Variants in TCF20 observed in about 807,000 individuals in gnomAD.
TCF20 encodes the protein transcription factor 20, also known as SPRE-binding protein.
Under a neutral mutation model 148.6 loss-of-function variants are expected in TCF20, and 3 were observed. That is an observed-to-expected ratio of 0.02 (90% CI 0.01 to 0.05). The LOEUF (loss-of-function observed/expected upper bound fraction) is 0.05, where lower values mean the gene tolerates loss of function less well. Ranked by LOEUF, TCF20 falls within the 10% of genes least tolerant of loss-of-function variation. TCF20 has a pLI of 1.00. For missense variants in TCF20, 2,350 were observed against 2,429.3 expected, an observed-to-expected ratio of 0.97 and a Z score of 0.69; for synonymous variants, 1,049 against 909.5, an observed-to-expected ratio of 1.15 and a Z score of -2.76.
chr22:42,250,883 G>A lies in TCF20; in HGVS notation c.-37+19456C>T, dbSNP rs1242757314. On this transcript the variant is annotated intron_variant, in intron 1 of 5. Transcript: ENST00000677622. ...CCAATCATGGCAGAAGGCAAAGGGG[G>A]AACAGGCACATCACATGATGAGGAC... Among the ~76,000 whole-genome samples, 3 of 152,202 alleles carry A rather than the reference G, an allele frequency of 2.0e-5. No individual in the cohort carries two copies. In the East Asian group the frequency reaches 5.8e-4, roughly 29 times the overall value.
At chr22:42,302,687 C>A (rs1927358946) in intron 1 of TCF20, among the ~76,000 whole-genome samples, 1 of 152,218 alleles carries the variant, frequency 6.6e-6, no homozygotes, top group African/African-American at 2.4e-5. Context: ...GAAACAGGCA[C>A]TGGCCATGAC....
intron 3 of TCF20, among the ~76,000 whole-genome samples, chr22:42,176,461 T>C (rs1324452482): frequency 6.6e-6 from 1 of 152,146 alleles, no homozygotes; most frequent in Non-Finnish European, 1.5e-5. Flanking sequence ...CCTGTTCCCA[T>C]CATGCAGTCA....
At chr22:42,322,393 G>A (rs1158882855) in intron 1 of TCF20, among the ~76,000 whole-genome samples, 2 of 151,854 alleles carry the variant, frequency 1.3e-5, no homozygotes, top group East Asian at 3.8e-4. Context: ...TCAGAGAGAG[G>A]AGAAGGGGGT....
upstream of TCF20, among the ~76,000 whole-genome samples, chr22:42,273,360 CAAAA>C (rs35166029): frequency 4.3e-3 from 264 of 61,252 alleles, 2 homozygotes; most frequent in African/African-American, 0.015. Flanking sequence ...AACTCCGTCT[CAAAA>C]AAAAAAAAAA....
intron 1 of TCF20, among the ~76,000 whole-genome samples, chr22:42,260,432 T>C (rs538217086): frequency 6.6e-6 from 1 of 152,122 alleles, no homozygotes; most frequent in Non-Finnish European, 1.5e-5. Flanking sequence ...AAAAAATGGT[T>C]TGGGAGGAAG....
upstream of TCF20, among the ~76,000 whole-genome samples, chr22:42,271,489 C>A (rs1926619909): frequency 6.6e-6 from 1 of 152,232 alleles, no homozygotes; most frequent in South Asian, 2.1e-4. Flanking sequence ...GGCTTGACTT[C>A]TTTATAAAGA....
intron 1 of TCF20, among the ~76,000 whole-genome samples, chr22:42,218,939 C>G (rs1304295481): frequency 6.6e-6 from 1 of 151,690 alleles, no homozygotes; most frequent in Non-Finnish European, 1.5e-5. Context: ...CTGCAGGGTT[C>G]CAGTCATGCT....
chr22:42,254,831 G>A (rs1925634008), intron 1 of TCF20, among the ~76,000 whole-genome samples: 1 of 151,918 alleles, frequency 6.6e-6, no homozygotes, highest in African/African-American at 2.4e-5. Context: ...CGCGGGTGGA[G>A]GCGGGCGCCT....
At chr22:42,193,210 T>C (rs1456046131) in intron 2 of TCF20, among the ~76,000 whole-genome samples, 1 of 150,114 alleles carries the variant, frequency 6.7e-6, no homozygotes, top group Non-Finnish European at 1.5e-5. Flanking sequence ...ATGAAGAAAA[T>C]AGAGATCTGG....
In TCF20 at chr22:42,341,083, G is replaced by A. The variant is rs1287938472; in HGVS notation, c.-37+2396C>T. Among the ~76,000 whole-genome samples the A allele has an allele frequency of 3.3e-5, 5 of 152,152 alleles. No homozygotes were observed. The South Asian group carries it at 8.3e-4, about 25-fold the overall frequency. ...GCGCCGGCTGCCAGGAGCAGAGGCCGGAGGGACGGCCCTGCTAGCAGCAGG... is the reference window on the plus strand; with the variant it reads ...GCGCCGGCTGCCAGGAGCAGAGGCCAGAGGGACGGCCCTGCTAGCAGCAGG... On this transcript the variant is annotated intron_variant, in intron 1 of 1. Transcript: ENST00000515426.
At chr22:42,324,682 C>T (rs940329605) in intron 1 of TCF20, among the ~76,000 whole-genome samples, 2 of 152,176 alleles carry the variant, frequency 1.3e-5, no homozygotes, top group Admixed American at 6.5e-5. Flanking sequence ...AAAATAATCT[C>T]CACCATTTGA....
At chr22:42,260,434 G>A (rs1925967081) in intron 1 of TCF20, among the ~76,000 whole-genome samples, 1 of 152,136 alleles carries the variant, frequency 6.6e-6, no homozygotes, top group African/African-American at 2.4e-5. Context: ...AAAATGGTTT[G>A]GGAGGAAGGC....
chr22:42,245,949 T>TA (rs1218883145), intron 1 of TCF20, among the ~76,000 whole-genome samples: 1 of 152,070 alleles, frequency 6.6e-6, no homozygotes, highest in East Asian at 1.9e-4. Context: ...ATCAATGATC[T>TA]AGTTGTCTGT....
chr22:42,266,092 A>T (rs957602129), intron 1 of TCF20, among the ~76,000 whole-genome samples: 39 of 152,170 alleles, frequency 2.6e-4, no homozygotes, highest in African/African-American at 8.9e-4. Context: ...TAAAAAAAAA[A>T]AAAAAGAGGG....
Position 42,210,606 on chromosome 22 carries a change from G to A in TCF20, c.4700C>T (p.Pro1567Leu). Residue 1567 changes from proline (P) to leucine (L), a missense_variant, in exon 2 of 6, where the codon CCA (proline) becomes CTA (leucine). This residue lies in a region of TCF20 where 374 missense variants were observed against 398.3 expected (regional missense o/e 0.94). Coordinates refer to ENST00000677622, the MANE Select transcript of TCF20 (RefSeq NM_001378418.1). The surrounding 1 kb of genome is among the most constrained non-coding windows in gnomAD (Gnocchi z 4.7). ...PPPPPQPPQI[P>L]EGSADGEPKP... is the part of the protein sequence containing the mutation. ...TGGCTCTCCATCTGCAGAACCTTCT[G>A]GTATCTGTGGGGGCTGAGGGGGTGG... 6.2e-7 allele frequency: 1 copy of A among 1,614,092 alleles called. No homozygotes were observed. The highest frequency in any genetic ancestry group is 8.5e-7 in the Non-Finnish European group (1 of 1,180,012).
chr22:42,332,228 C>G (rs1030140817), intron 1 of TCF20, among the ~76,000 whole-genome samples: 10 of 152,210 alleles, frequency 6.6e-5, no homozygotes, highest in African/African-American at 2.4e-4. Context: ...TCCAGCTGGG[C>G]TCTGAGGGTA....
intron 1 of TCF20, among the ~76,000 whole-genome samples, chr22:42,243,310 A>AAAAAAAAAAAAAAAAAAAACAAAAC (rs1569180401): frequency 7.1e-6 from 1 of 140,864 alleles, no homozygotes; most frequent in African/African-American, 3.0e-5. Context: ...AAAAAAAAAA[A>AAAAAAAAAAAAAAAAAAAACAAAAC]AAAAAAAAAA....
intron 4 of TCF20, among the ~76,000 whole-genome samples, chr22:42,169,002 A>C (rs370338147): frequency 1.7e-4 from 26 of 152,124 alleles, no homozygotes; most frequent in East Asian, 1.2e-3. Context: ...TTCCCCAGAA[A>C]TAATTTTTAA....
intron 1 of TCF20, among the ~76,000 whole-genome samples, chr22:42,337,406 C>T (rs1346900371): frequency 6.6e-6 from 1 of 152,210 alleles, no homozygotes. Context: ...CATTCCCCAC[C>T]TTCCTGCCTG....
Sources: allele counts gnomAD v4.1 joint callset (sites outside exome capture counted in the v4.1 genomes callset), GRCh38; gene constraint gnomAD v4.1.1; regional missense constraint gnomAD v4.1.1; non-coding constraint Gnocchi (gnomAD v3.1); transcripts MANE v1.5; gene names NCBI Gene and HGNC (gene_info 2026-07-23, HGNC 2026-07-21).